PLD1: variants seen among roughly 807,000 people sequenced by gnomAD.
PLD1 encodes phospholipase D1.
In PLD1, 112 loss-of-function variants were observed where a neutral mutation model predicts 137.1. That is an observed-to-expected ratio of 0.82 (90% confidence interval 0.70 to 0.96). The LOEUF (loss-of-function observed/expected upper bound fraction) is 0.96, where lower values mean the gene tolerates loss of function less well. Ranked by LOEUF, PLD1 falls within the 40% of genes least tolerant of loss-of-function variation. The pLI is 0.00. For synonymous variants in PLD1, 431 were observed against 454.7 expected, an observed-to-expected ratio of 0.95 and a Z score of 0.66; for missense variants, 1,321 against 1,342.0, an observed-to-expected ratio of 0.98 and a Z score of 0.24.
chr3:171,735,907 G>A (rs1719324228), intron 3 of PLD1, among the ~76,000 whole-genome samples: 1 of 152,168 alleles, frequency 6.6e-6, no homozygotes, highest in Non-Finnish European at 1.5e-5. Flanking sequence ...GTGCGTGTAT[G>A]CATCCACGCA....
At chr3:171,706,124 G>GTCTATCTA (rs59943551) in intron 11 of PLD1, among the ~76,000 whole-genome samples, 15,473 of 146,750 alleles carry the variant, frequency 0.11, 932 homozygotes, top group East Asian at 0.14. Context: ...GGGTCAGTCA[G>GTCTATCTA]TCTATCTATC....
intron 1 of PLD1, among the ~76,000 whole-genome samples, chr3:171,738,791 A>G (rs1395284143): frequency 1.3e-5 from 2 of 152,200 alleles, no homozygotes; most frequent in Non-Finnish European, 2.9e-5. Context: ...CTGACATTTA[A>G]TAACACAAGT....
At chr3:171,715,330 C>T (rs1717592128) in intron 8 of PLD1, among the ~76,000 whole-genome samples, 1 of 152,120 alleles carries the variant, frequency 6.6e-6, no homozygotes, top group African/African-American at 2.4e-5. Flanking sequence ...GTTTTTATAC[C>T]AATACCATAC....
Position 171,608,631 on chromosome 3 carries a change from A to G in PLD1, c.2883-3215T>C, listed in dbSNP as rs564002643. Among the ~76,000 whole-genome samples, 8 of 152,328 alleles carry G rather than the reference A, an allele frequency of 5.3e-5. No individual in the cohort carries two copies. The South Asian group carries it at 1.4e-3, about 28-fold the overall frequency. ...GAGAAGCCAGAACAGATAGTGATTC[A>G]GTGTATCTTAAAGGTGGACTGCAGA... On this transcript the variant is annotated intron_variant, in intron 25 of 26. Coordinates refer to ENST00000351298, the MANE Select transcript of PLD1 (RefSeq NM_002662.5).
chr3:171,749,682 GGATA>G (rs1720517057), intron 1 of PLD1, among the ~76,000 whole-genome samples: 1 of 152,110 alleles, frequency 6.6e-6, no homozygotes, highest in Non-Finnish European at 1.5e-5. Context: ...ACTAAAACTC[GGATA>G]GAAAGTCCAT....
intron 1 of PLD1, among the ~76,000 whole-genome samples, chr3:171,758,566 T>A (rs888126911): frequency 6.6e-6 from 1 of 152,142 alleles, no homozygotes; most frequent in Non-Finnish European, 1.5e-5. Flanking sequence ...TTGGCCACAC[T>A]CTGGAAACAG....
chr3:171,636,825 C>G (rs551890024), intron 23 of PLD1, among the ~76,000 whole-genome samples: 1 of 152,278 alleles, frequency 6.6e-6, no homozygotes, highest in Admixed American at 6.5e-5. Flanking sequence ...ACTTTCTCAT[C>G]TCATCACTGA....
intron 1 of PLD1, among the ~76,000 whole-genome samples, chr3:171,764,937 A>AGAAAG (rs1560289338): frequency 3.6e-4 from 4 of 11,222 alleles, no homozygotes; most frequent in South Asian, 5.0e-3. Flanking sequence ...AAGAAAGGAA[A>AGAAAG]GAAAGAAAGA....
chr3:171,604,343 G>A (rs1057098462), intron 26 of PLD1, among the ~76,000 whole-genome samples: 2 of 147,898 alleles, frequency 1.4e-5, no homozygotes, highest in Non-Finnish European at 3.0e-5. Context: ...AGGAAAGAAA[G>A]AAAAGAAACA....
At chr3:171,795,345 CT>C (rs144023550) in intron 1 of PLD1, among the ~76,000 whole-genome samples, 4,246 of 152,268 alleles carry the variant, frequency 0.028, 119 homozygotes, top group African/African-American at 0.072. Context: ...AAGCTTCTCC[CT>C]TTTTTTCTCT....
chr3:171,790,732 A>T (rs1365409196), intron 1 of PLD1, among the ~76,000 whole-genome samples: 1 of 152,162 alleles, frequency 6.6e-6, no homozygotes, highest in African/African-American at 2.4e-5. Context: ...GCCATCTCAG[A>T]CAAGGGCCAC....
rs1267125156 is a variant in PLD1, at chr3:171,612,195, C to T, written c.2882+84G>A. 7 of 1,235,086 alleles carry T rather than the reference C, an allele frequency of 5.7e-6. No homozygotes were observed. Among genetic ancestry groups the T allele is most frequent in the African/African-American group, 2.9e-5 (2 of 67,906 alleles). The allele number at this position is 1,235,086 out of a possible 1,614,324, so 76.5% of individuals were successfully genotyped here. A position where few individuals can be genotyped will look rare whatever the true frequency, so the allele number is the denominator to read the frequency against. On this transcript the variant is annotated intron_variant, in intron 25 of 26. Transcript: ENST00000351298. The surrounding 1 kb of genome is among the most constrained non-coding windows in gnomAD (Gnocchi z 4.1). ...TAGATGAAGAAGAACCTAGGATGACCCATGTGCTCAGGGCTAGCGGGGCTG... is the reference window on the plus strand; with the variant it reads ...TAGATGAAGAAGAACCTAGGATGACTCATGTGCTCAGGGCTAGCGGGGCTG...
chr3:171,617,378 T>A (rs1004798386), intron 24 of PLD1, among the ~76,000 whole-genome samples: 1 of 152,188 alleles, frequency 6.6e-6, no homozygotes, highest in Non-Finnish European at 1.5e-5. Flanking sequence ...CCCCTGAACC[T>A]TCTTGTTCTG....
chr3:171,766,554 A>G (rs1721987304), intron 1 of PLD1, among the ~76,000 whole-genome samples: 2 of 152,118 alleles, frequency 1.3e-5, no homozygotes, highest in African/African-American at 4.8e-5. Flanking sequence ...TATCATCACC[A>G]TTTCCTCCTA....
chr3:171,677,076 A>G (rs1306845127), intron 17 of PLD1, among the ~76,000 whole-genome samples: 1 of 152,236 alleles, frequency 6.6e-6, no homozygotes, highest in East Asian at 1.9e-4. Flanking sequence ...ATCACTAGAC[A>G]TGGCAAGATG....
At chr3:171,794,122 C>G (rs900026945) in intron 1 of PLD1, among the ~76,000 whole-genome samples, 1 of 141,290 alleles carries the variant, frequency 7.1e-6, no homozygotes. Context: ...CCAGCCTACA[C>G]GAGGGGAGCA....
At chr3:171,746,849 G>A (rs1373327813) in intron 1 of PLD1, among the ~76,000 whole-genome samples, 1 of 152,214 alleles carries the variant, frequency 6.6e-6, no homozygotes, top group East Asian at 1.9e-4. Flanking sequence ...GCCCAAGACA[G>A]CACTGGCAAC....
At chr3:171,745,372 T>C (rs769312555) in intron 1 of PLD1, among the ~76,000 whole-genome samples, 1 of 152,188 alleles carries the variant, frequency 6.6e-6, no homozygotes, top group African/African-American at 2.4e-5. Context: ...GTGGGACTGG[T>C]CCCTGTATGC....
At chr3:171,720,598 T>TAAAAC (rs1718061992) in intron 8 of PLD1, among the ~76,000 whole-genome samples, 1 of 150,828 alleles carries the variant, frequency 6.6e-6, no homozygotes, top group Admixed American at 6.6e-5. Flanking sequence ...AAAAAAAAAG[T>TAAAAC]CTTCCACTGT....
Sources: allele counts gnomAD v4.1 joint callset (sites outside exome capture counted in the v4.1 genomes callset), GRCh38; gene constraint gnomAD v4.1.1; non-coding constraint Gnocchi (gnomAD v3.1); transcripts MANE v1.5; gene names NCBI Gene and HGNC (gene_info 2026-07-23, HGNC 2026-07-21).